Variants in CSMD3 observed in about 807,000 individuals in gnomAD.
CSMD3 encodes CUB and sushi domain-containing protein 3.
In CSMD3, 177 loss-of-function variants were observed where a neutral mutation model predicts 435.2. The ratio of observed to expected loss-of-function variants is 0.41; its 90% CI spans 0.36 to 0.46. The LOEUF is 0.46. CSMD3 is among the 20% of genes least tolerant of loss of function. The pLI, the probability that CSMD3 is intolerant of heterozygous loss-of-function variation, is 0.34. For missense variants in CSMD3, 4,265 were observed against 4,504.6 expected (o/e 0.95, Z 1.52); for synonymous variants, 1,656 against 1,520.5 (o/e 1.09, Z -2.07).
chr8:112,639,671 T>C (rs1031636794), intron 20 of CSMD3, among the ~76,000 whole-genome samples: 15 of 152,138 alleles, frequency 9.9e-5, no homozygotes, highest in African/African-American at 3.4e-4. Flanking sequence ...GTTTATAGAT[T>C]GGAATCATAT....
At chr8:112,741,968 T>C (rs886551342) in intron 13 of CSMD3, among the ~76,000 whole-genome samples, 8 of 151,820 alleles carry the variant, frequency 5.3e-5, no homozygotes, top group Admixed American at 3.3e-4. Context: ...GAAAGAGCAA[T>C]AGAATTAATA....
At chr8:112,713,606 C>A (rs1464509346) in intron 13 of CSMD3, among the ~76,000 whole-genome samples, 3 of 151,924 alleles carry the variant, frequency 2.0e-5, no homozygotes, top group East Asian at 1.9e-4. Context: ...AGAAGATCAA[C>A]CCCAAGATAC....
chr8:112,405,246 T>TATATATAC lies in CSMD3; in HGVS notation c.5809+1277_5809+1278insGTATATAT, dbSNP rs1199452249. Reference sequence around the variant, plus strand: ...ATATATATATATATATATATATATATACATATATATATACACATATCTTAT... The same window carrying TATATATAC: ...ATATATATATATATATATATATATATATATATACACATATATATATACACATATCTTAT... On this transcript the variant is annotated intron_variant, in intron 35 of 70. Transcript: ENST00000297405. 4.4e-4 allele frequency among the ~76,000 whole-genome samples: 36 copies of TATATATAC among 81,532 alleles called. 1 individual carries two copies. Among genetic ancestry groups the TATATATAC allele is most frequent in the African/African-American group, 1.4e-3 (27 of 18,766 alleles). 53.5% of individuals were successfully genotyped at this position (81,532 alleles called of 152,430 possible).
At chr8:112,287,030 A>C (rs1337091213) in intron 58 of CSMD3, 34 bp downstream of exon 58, 5 of 1,542,972 alleles carry the variant, frequency 3.2e-6, no homozygotes, top group Non-Finnish European at 4.5e-6. Flanking sequence ...AAAATCCAGT[A>C]GTTGCAATAT....
intron 3 of CSMD3, among the ~76,000 whole-genome samples, chr8:113,178,363 T>C (rs1013013523): frequency 1.3e-5 from 2 of 151,926 alleles, no homozygotes; most frequent in African/African-American, 4.8e-5. Flanking sequence ...ATTTCACAAT[T>C]ACATATTGCT....
At chr8:112,263,514 C>T (rs1816636046) in intron 61 of CSMD3, 125 bp downstream of exon 61, 1 of 751,392 alleles carries the variant, frequency 1.3e-6, no homozygotes. Flanking sequence ...AAAGTAGCTA[C>T]ATTGGTAAAT....
chr8:112,496,163 G>T (rs1042485639), intron 30 of CSMD3, among the ~76,000 whole-genome samples: 2 of 152,012 alleles, frequency 1.3e-5, no homozygotes, highest in African/African-American at 4.8e-5. Flanking sequence ...TAGAGACGGG[G>T]TGTCACCAGG....
chr8:113,367,817 A>T (rs1043166442), intron 1 of CSMD3, among the ~76,000 whole-genome samples: 6 of 152,052 alleles, frequency 3.9e-5, no homozygotes, highest in African/African-American at 1.4e-4. Flanking sequence ...CTTTAAATAG[A>T]CTTCCCTGGC....
intron 32 of CSMD3, among the ~76,000 whole-genome samples, chr8:112,451,968 A>G (rs1169773713): frequency 6.6e-6 from 1 of 152,134 alleles, no homozygotes; most frequent in Non-Finnish European, 1.5e-5. Flanking sequence ...GTTTCCCATA[A>G]CATCTGTTCA....
chr8:113,283,820 A>T (rs1453178327), intron 2 of CSMD3, among the ~76,000 whole-genome samples: 4 of 152,164 alleles, frequency 2.6e-5, no homozygotes, highest in Non-Finnish European at 4.4e-5. Context: ...AAAATCATGG[A>T]ATCAACCCAC....
chr8:112,806,148 T>G (rs1456614503), intron 12 of CSMD3, among the ~76,000 whole-genome samples: 2 of 152,080 alleles, frequency 1.3e-5, no homozygotes, highest in Non-Finnish European at 2.9e-5. Context: ...TGGCCAAAAC[T>G]CTAATGAAAT....
chr8:112,754,142 A>T (rs552528207), intron 13 of CSMD3, among the ~76,000 whole-genome samples: 66 of 152,302 alleles, frequency 4.3e-4, no homozygotes, highest in Non-Finnish European at 8.5e-4. Context: ...TTATGTAACA[A>T]CTGAGGATCC....
intron 4 of CSMD3, among the ~76,000 whole-genome samples, chr8:113,171,032 T>G (rs1208211344): frequency 6.6e-6 from 1 of 151,690 alleles, no homozygotes; most frequent in Non-Finnish European, 1.5e-5. Context: ...ATAGAAGCAT[T>G]GGTTTTAGGG....
chr8:112,676,689 T>C (rs903169554), intron 16 of CSMD3, among the ~76,000 whole-genome samples: 2 of 152,144 alleles, frequency 1.3e-5, no homozygotes, highest in Admixed American at 1.3e-4. Context: ...ATAATAAATC[T>C]TTATATTCAG....
chr8:112,899,602 TATA>T lies in CSMD3; in HGVS notation c.1633+22022_1633+22024del, dbSNP rs1564081618. ...CCCAAAATTTTGCTTGTCTATTTTA[TATA>T]TATATATATATATATATATATATAT... is the stretch of plus-strand genomic sequence containing the variant. On this transcript the variant is annotated intron_variant, in intron 10 of 70. Transcript: ENST00000297405. 6.3e-3 allele frequency among the ~76,000 whole-genome samples: 90 copies of T among 14,274 alleles called. 1 individual carries two copies. Among genetic ancestry groups the T allele is most frequent in the African/African-American group, 0.024 (85 of 3,496 alleles). The allele number at this position is 14,274 out of a possible 152,430, so 9.4% of individuals were successfully genotyped here. A position where few individuals can be genotyped will look rare whatever the true frequency, so the allele number is the denominator to read the frequency against.
In CSMD3 at chr8:112,311,061, C is replaced by T. The variant is rs564995042; in HGVS notation, c.7802G>A (p.Arg2601Gln). ...CACAGCACTGCTTTTTCCAACAAGTCGGAATCCTCGATCACAGGCCCAACG... is the reference window on the plus strand; with the variant it reads ...CACAGCACTGCTTTTTCCAACAAGTTGGAATCCTCGATCACAGGCCCAACG... ...VVRWACDRGFRLVGKSSAVCR... is the reference protein window; with the variant it reads ...VVRWACDRGFQLVGKSSAVCR... The change falls in exon 50 of 71, where the codon CGA (arginine) becomes CAA (glutamine). Residue 2601 changes from arginine to glutamine, a missense_variant. Physicochemically the swap from Arg to Gln is conservative, Grantham distance 43 (BLOSUM62 1). Coordinates refer to ENST00000297405, the MANE Select transcript of CSMD3 (RefSeq NM_198123.2). The T allele has an allele frequency of 6.2e-6, 10 of 1,614,044 alleles. No individual in the cohort carries two copies. The East Asian group carries it at 6.7e-5, about 11-fold the overall frequency.
At chr8:112,845,602 A>C (rs1421479924) in intron 11 of CSMD3, among the ~76,000 whole-genome samples, 1 of 152,084 alleles carries the variant, frequency 6.6e-6, no homozygotes, top group East Asian at 1.9e-4. Context: ...GGCTTCCTCT[A>C]TAAAGCTATG....
chr8:112,257,148 T>C lies in CSMD3; in HGVS notation c.9863-1721A>G, dbSNP rs2130304000. On this transcript the variant is annotated intron_variant, in intron 61 of 70. Transcript: ENST00000297405. Reference sequence around the variant, plus strand: ...CTATTTATAACAAACCCACAGCCAATATCATACTGAATGGGCAAAAACTGG... The same window carrying C: ...CTATTTATAACAAACCCACAGCCAACATCATACTGAATGGGCAAAAACTGG... 2.6e-5 allele frequency among the ~76,000 whole-genome samples: 4 copies of C among 152,240 alleles called. No homozygotes were observed. In the East Asian group the frequency reaches 7.7e-4, roughly 29 times the overall value.
chr8:113,102,110 G>GT (rs111720963), intron 4 of CSMD3, among the ~76,000 whole-genome samples: 17 of 152,158 alleles, frequency 1.1e-4, no homozygotes, highest in African/African-American at 4.1e-4. Context: ...TTCAAAATGA[G>GT]TTGGTACATA....
Sources: gnomAD v4.1 joint callset for allele counts (sites outside exome capture counted in the v4.1 genomes callset) on GRCh38, gnomAD v4.1.1 for gene constraint, MANE v1.5 for transcripts, NCBI Gene and HGNC (gene_info 2026-07-23, HGNC 2026-07-21) for gene names.